The following GEMIN6 variants were observed in gnomAD, a reference collection of about 807,000 sequenced individuals.
The protein encoded by GEMIN6 is gem nuclear organelle associated protein 6.
Under a neutral mutation model 14.1 loss-of-function variants are expected in GEMIN6, and 13 were observed. The observed-to-expected ratio is 0.92, with a 90% CI of 0.60 to 1.46. GEMIN6 has a LOEUF of 1.46. Ranked by LOEUF, GEMIN6 falls within the 40% of genes most tolerant of loss-of-function variation. GEMIN6 has a pLI of 0.00. For synonymous variants in GEMIN6, 87 were observed against 70.0 expected (o/e 1.24, Z -1.21); for missense variants, 271 against 202.4 (o/e 1.34, Z -2.06).
intron 2 of GEMIN6, among the ~76,000 whole-genome samples, chr2:38,781,203 C>T (rs1052855667): frequency 2.8e-5 from 4 of 145,258 alleles, no homozygotes; most frequent in South Asian, 2.2e-4. Context: ...CTCCTGACCT[C>T]GTGATCCACC....
chr2:38,784,394 G>A lies in GEMIN6; in HGVS notation c.*2502G>A, dbSNP rs898546895. On this transcript the variant is annotated 3_prime_UTR_variant, in exon 3 of 3. Transcript: ENST00000281950. ...GTCTCTACTAAAAAAAAAAAAAATAGCTGGGTGTGGTGGTGAGCGCCTATA... is the reference window on the plus strand; with the variant it reads ...GTCTCTACTAAAAAAAAAAAAAATAACTGGGTGTGGTGGTGAGCGCCTATA... 2 of 151,814 alleles carry A rather than the reference G, an allele frequency of 1.3e-5. No homozygotes were observed. Among genetic ancestry groups the A allele is most frequent in the African/African-American group, 4.8e-5 (2 of 41,358 alleles). The allele number at this position is 151,814 out of a possible 1,614,324, so 9.4% of individuals were successfully genotyped here.
rs1446286527 is a variant in GEMIN6 at position 38,784,556 on chromosome 2, A to C, written c.*2664A>C. 1 of 151,472 alleles carries C rather than the reference A, an allele frequency of 6.6e-6. No individual in the cohort carries two copies. The highest frequency in any genetic ancestry group is 1.5e-5 in the Non-Finnish European group (1 of 67,966). The allele number at this position is 151,472 out of a possible 1,614,324, so 9.4% of individuals were successfully genotyped here. ...AAAAAAAAAAAAAAAGCCACGTAGG[A>C]AATTATCCACAGCATCAATTGGACT... On this transcript the variant is annotated 3_prime_UTR_variant, in exon 3 of 3. Coordinates refer to ENST00000281950, the MANE Select transcript of GEMIN6 (RefSeq NM_024775.10).
At position 38,782,153 on chromosome 2, in the gene GEMIN6, T is replaced by A; in HGVS notation, c.*261T>A. The A allele has an allele frequency of 3.8e-6, 1 of 262,898 alleles. No individual in the cohort carries two copies. Among genetic ancestry groups the A allele is most frequent in the Non-Finnish European group, 7.1e-6 (1 of 141,426 alleles). 16.3% of individuals were successfully genotyped at this position (262,898 alleles called of 1,614,324 possible). On this transcript the variant is annotated 3_prime_UTR_variant, in exon 3 of 3. Coordinates refer to ENST00000281950, the MANE Select transcript of GEMIN6 (RefSeq NM_024775.10). ...ATGGGTCTTCTTTTTTCTTTTTTTC[T>A]TTTTTTTTTGAGATGGAGTCTCGCT...
In GEMIN6 at chr2:38,781,947, A is replaced by G; in HGVS notation, c.*55A>G. The G allele has an allele frequency of 8.8e-6, 13 of 1,478,886 alleles. No individual in the cohort carries two copies. The South Asian group carries it at 1.6e-4, about 18-fold the overall frequency. The allele number at this position is 1,478,886 out of a possible 1,614,324, so 91.6% of individuals were successfully genotyped here. A position where few individuals can be genotyped will look rare whatever the true frequency, so the allele number is the denominator to read the frequency against. ...AAAAAGACTATATTTTATCCCTCAT[A>G]AAATGTTTTAAATGTAAATGTACAT... On this transcript the variant is annotated 3_prime_UTR_variant, in exon 3 of 3. Coordinates refer to ENST00000281950, the MANE Select transcript of GEMIN6 (RefSeq NM_024775.10).
chr2:38,780,655 G>A (rs10168028), intron 2 of GEMIN6, among the ~76,000 whole-genome samples: 7,505 of 150,766 alleles, frequency 0.05, 249 homozygotes, highest in African/African-American at 0.085. Flanking sequence ...TTGAGATGGA[G>A]CCTTGCTCTG....
rs567028855 is a variant in GEMIN6 at position 38,781,604 on chromosome 2, T to C, written c.216T>C (p.Asn72=). The C allele has an allele frequency of 8.1e-6, 13 of 1,614,160 alleles. No homozygotes were observed. In the South Asian group the frequency reaches 1.1e-4, roughly 14 times the overall value. ...GHAVQTVETM[N]EGDHRVREKL... ...CTGTGCAGACTGTTGAAACTATGAA[T>C]GAAGGGGACCATAGAGTGAGGGAGA... Residue 72 remains asparagine, a synonymous_variant, in exon 3 of 3, where the codon AAT becomes AAC. Transcript: ENST00000281950.
chr2:38,783,233 G>C lies in GEMIN6; in HGVS notation c.*1341G>C, dbSNP rs1413959531. 1 of 154,226 alleles carries C rather than the reference G, an allele frequency of 6.5e-6. No individual in the cohort carries two copies. The highest frequency in any genetic ancestry group is 1.4e-5 in the Non-Finnish European group (1 of 70,050). 9.6% of individuals were successfully genotyped at this position (154,226 alleles called of 1,614,324 possible). A position where few individuals can be genotyped will look rare whatever the true frequency, so the allele number is the denominator to read the frequency against. On this transcript the variant is annotated 3_prime_UTR_variant, in exon 3 of 3. Coordinates refer to ENST00000281950, the MANE Select transcript of GEMIN6 (RefSeq NM_024775.10). ...GACAGAGTCTTGCTCTGTCACTCAG[G>C]CTGGAGTGCAGTGGCACAATCTCGG... is the stretch of plus-strand genomic sequence containing the variant.
At position 38,781,786 on chromosome 2, in the gene GEMIN6, T is replaced by A. The variant is rs757607089; in HGVS notation, c.398T>A (p.Leu133Gln). 15 of 1,614,070 alleles carry A rather than the reference T, an allele frequency of 9.3e-6. No homozygotes were observed. The South Asian group carries it at 1.3e-4, about 14-fold the overall frequency. Residue 133 changes from leucine (L) to glutamine (Q), a missense_variant, in exon 3 of 3, where the codon CTG becomes CAG. Leu to Gln is a moderately radical substitution (Grantham distance 113). Coordinates refer to ENST00000281950, the MANE Select transcript of GEMIN6 (RefSeq NM_024775.10). ...AGGACTCTCTGTGTGGCTGGGGTCC[T>A]GACTATAGACCCACCATATGGTCCA... ...APRTLCVAGV[L>Q]TIDPPYGPEN...
chr2:38,779,746 A>G (rs1193282275), intron 2 of GEMIN6, among the ~76,000 whole-genome samples: 1 of 128,508 alleles, frequency 7.8e-6, no homozygotes, highest in African/African-American at 3.0e-5. Context: ...TGCAGTTACA[A>G]TCTTGGCTCA....
Position 38,784,506 on chromosome 2 carries a change from G to A in GEMIN6, c.*2614G>A, listed in dbSNP as rs1320023587. On this transcript the variant is annotated 3_prime_UTR_variant, in exon 3 of 3. Coordinates refer to ENST00000281950, the MANE Select transcript of GEMIN6 (RefSeq NM_024775.10). ...GCCGAGATTGTACGCATTCCAGCTTGGGCAGCAGAACGAGACTCTGTCTCA... is the reference window on the plus strand; with the variant it reads ...GCCGAGATTGTACGCATTCCAGCTTAGGCAGCAGAACGAGACTCTGTCTCA... 4 of 149,600 alleles carry A rather than the reference G, an allele frequency of 2.7e-5. No homozygotes were observed. Among genetic ancestry groups the A allele is most frequent in the East Asian group, 4.0e-4 (2 of 5,030 alleles). The allele number at this position is 149,600 out of a possible 1,614,324, so 9.3% of individuals were successfully genotyped here.
Position 38,782,082 on chromosome 2 carries a change from G to A in GEMIN6, c.*190G>A, listed in dbSNP as rs1021884177. On this transcript the variant is annotated 3_prime_UTR_variant, in exon 3 of 3. Transcript: ENST00000281950. ...TTGGGAAATTAATGAACTAGGGCAA[G>A]TATAGCATCCCATGCATAAAATTAG... The A allele has an allele frequency of 1.7e-5, 9 of 535,544 alleles. No individual in the cohort carries two copies. The highest frequency in any genetic ancestry group is 4.8e-4 in the Middle Eastern group (1 of 2,088). 33.2% of individuals were successfully genotyped at this position (535,544 alleles called of 1,614,324 possible).
At position 38,782,244 on chromosome 2, in the gene GEMIN6, A is replaced by G. The variant is rs1210750088; in HGVS notation, c.*352A>G. The G allele has an allele frequency of 1.2e-5, 2 of 173,426 alleles. No homozygotes were observed. Among genetic ancestry groups the G allele is most frequent in the African/African-American group, 4.8e-5 (2 of 41,750 alleles). The allele number at this position is 173,426 out of a possible 1,614,324, so 10.7% of individuals were successfully genotyped here. On this transcript the variant is annotated 3_prime_UTR_variant, in exon 3 of 3. Coordinates refer to ENST00000281950, the MANE Select transcript of GEMIN6 (RefSeq NM_024775.10). ...GTGCAACCTCCGCCTCCCAGGTTCA[A>G]CCGATTCCCCTGCCTCAGCCTCTCG...
intron 2 of GEMIN6, among the ~76,000 whole-genome samples, chr2:38,780,034 T>C (rs1669044284): frequency 6.6e-6 from 1 of 151,154 alleles, no homozygotes; most frequent in Non-Finnish European, 1.5e-5. Flanking sequence ...AAAAGGACTT[T>C]AAGGCCGGGC....
At chr2:38,780,189 A>G (rs1669048317) in intron 2 of GEMIN6, among the ~76,000 whole-genome samples, 1 of 151,194 alleles carries the variant, frequency 6.6e-6, no homozygotes, top group Non-Finnish European at 1.5e-5. Context: ...GCGTGGTAGC[A>G]GGCACCTGTA....
intron 2 of GEMIN6, among the ~76,000 whole-genome samples, chr2:38,781,238 G>A (rs1379104216): frequency 1.3e-5 from 2 of 151,542 alleles, no homozygotes; most frequent in Admixed American, 1.3e-4. Flanking sequence ...AAAGTGCTGG[G>A]ATTACAGGCG....
rs1305022832 is a variant in GEMIN6 at position 38,782,831 on chromosome 2, T to A, written c.*939T>A. 6.6e-6 allele frequency: 1 copy of A among 152,212 alleles called. No homozygotes were observed. The highest frequency in any genetic ancestry group is 2.4e-5 in the African/African-American group (1 of 41,388). The allele number at this position is 152,212 out of a possible 1,614,324, so 9.4% of individuals were successfully genotyped here. ...AAAAAAAATTATTGGAACACAGCAT[T>A]ACCTATTGAATTACAGTTTTCTGGT... On this transcript the variant is annotated 3_prime_UTR_variant, in exon 3 of 3. Coordinates refer to ENST00000281950, the MANE Select transcript of GEMIN6 (RefSeq NM_024775.10).
chr2:38,780,977 CTT>C (rs869246263), intron 2 of GEMIN6, among the ~76,000 whole-genome samples: 3 of 42,296 alleles, frequency 7.1e-5, no homozygotes, highest in Admixed American at 2.7e-4. Context: ...CTGCCTTCTT[CTT>C]TTTTTTTTTT....
rs1194306157 is a variant in GEMIN6 at position 38,781,793 on chromosome 2, A to G, written c.405A>G (p.Ile135Met). The G allele has an allele frequency of 5.6e-6, 9 of 1,614,062 alleles. No homozygotes were observed. Among genetic ancestry groups the G allele is most frequent in the Non-Finnish European group, 7.6e-6 (9 of 1,180,030 alleles). The stretch of plus-strand genomic sequence containing the variant: ...TCTGTGTGGCTGGGGTCCTGACTAT[A>G]GACCCACCATATGGTCCAGAAAATT... ...RTLCVAGVLT[I>M]DPPYGPENCS... The change falls in exon 3 of 3, where the codon ATA becomes ATG. Residue 135 changes from isoleucine (I) to methionine (M), a missense_variant. Physicochemically the swap from Ile to Met is conservative, Grantham distance 10. Coordinates refer to ENST00000281950, the MANE Select transcript of GEMIN6 (RefSeq NM_024775.10).
Position 38,782,856 on chromosome 2 carries a change from T to G in GEMIN6, c.*964T>G, listed in dbSNP as rs1228294186. On this transcript the variant is annotated 3_prime_UTR_variant, in exon 3 of 3. Transcript: ENST00000281950. ...TACCTATTGAATTACAGTTTTCTGG[T>G]TTTTTTGTGGAGTTTTTGTTTTGGT... The G allele has an allele frequency of 1.3e-5, 2 of 151,948 alleles. No individual in the cohort carries two copies. The highest frequency in any genetic ancestry group is 2.9e-5 in the Non-Finnish European group (2 of 68,066). 9.4% of individuals were successfully genotyped at this position (151,948 alleles called of 1,614,324 possible). A position where few individuals can be genotyped will look rare whatever the true frequency, so the allele number is the denominator to read the frequency against.
Sources: allele counts gnomAD v4.1 joint callset (sites outside exome capture counted in the v4.1 genomes callset), GRCh38; gene constraint gnomAD v4.1.1; transcripts MANE v1.5; gene names NCBI Gene and HGNC (gene_info 2026-07-23, HGNC 2026-07-21).